Variants in MRC2 observed in about 807,000 individuals in gnomAD.
The protein encoded by MRC2 is mannose receptor C-type 2.
MRC2 carries 84 observed loss-of-function variants against 206.2 expected under a neutral mutation model. That is an observed-to-expected ratio of 0.41 (90% CI 0.34 to 0.49). MRC2 has a LOEUF of 0.49. Ranked by LOEUF, MRC2 falls within the 20% of genes least tolerant of loss-of-function variation. MRC2 has a pLI of 0.31. For synonymous variants in MRC2, 798 were observed against 800.0 expected (o/e 1.00, Z 0.04); for missense variants, 1,676 against 2,001.5 (o/e 0.84, Z 3.10).
chr17:62,633,917 A>G (rs530915795), intron 1 of MRC2, among the ~76,000 whole-genome samples: 15 of 150,678 alleles, frequency 1.0e-4, no homozygotes, highest in African/African-American at 3.2e-4. Flanking sequence ...AGGAGGTCCA[A>G]TCCAGACCCC....
rs140481990 is a variant in MRC2, at chr17:62,630,068, G to A, written c.118+2148G>A. 2.5e-3 allele frequency among the ~76,000 whole-genome samples: 384 copies of A among 152,328 alleles called. 1 individual carries two copies. Among genetic ancestry groups the A allele is most frequent in the African/African-American group, 8.7e-3 (363 of 41,574 alleles). ...CCTCTTTGTTAGTTGCCATATTACC[G>A]CATTTCTGGAGCATGCAGTTTGCTC... On this transcript the variant is annotated intron_variant, in intron 1 of 29. Transcript: ENST00000303375.
rs371087758 is a variant in MRC2, at chr17:62,664,783, T to C, written c.354T>C (p.Asn118=). ...GMYECDREAL[N]LRWHCRTLGD... ...ATGAGTGTGACCGGGAAGCACTGAATCTTCGCTGGCATTGTCGTACACTGG... is the reference window on the plus strand; with the variant it reads ...ATGAGTGTGACCGGGAAGCACTGAACCTTCGCTGGCATTGTCGTACACTGG... Residue 118 remains asparagine, a synonymous_variant, in exon 2 of 30, where the codon AAT becomes AAC. Coordinates refer to ENST00000303375, the MANE Select transcript of MRC2 (RefSeq NM_006039.5). This position sits in a 1 kb window ranked among gnomAD's most constrained non-coding sequence, Gnocchi z 4.7. 5 of 1,613,944 alleles carry C rather than the reference T, an allele frequency of 3.1e-6. No homozygotes were observed. Among genetic ancestry groups the C allele is most frequent in the Non-Finnish European group, 4.2e-6 (5 of 1,180,028 alleles).
chr17:62,686,607 T>C (rs1292723882), intron 20 of MRC2, among the ~76,000 whole-genome samples: 2 of 152,184 alleles, frequency 1.3e-5, no homozygotes, highest in Non-Finnish European at 2.9e-5. Context: ...CCTCTTCCAC[T>C]AGCTTTAAGC....
At chr17:62,638,755 A>G (rs2088360149) in intron 1 of MRC2, among the ~76,000 whole-genome samples, 2 of 149,398 alleles carry the variant, frequency 1.3e-5, no homozygotes, top group Non-Finnish European at 3.0e-5. Flanking sequence ...AAAAAAAAAA[A>G]AAGAAAGAAA....
Position 62,662,853 on chromosome 17 carries a change from G to C in MRC2, c.119-1695G>C, listed in dbSNP as rs889861640. On this transcript the variant is annotated intron_variant, in intron 1 of 29. Coordinates refer to ENST00000303375, the MANE Select transcript of MRC2 (RefSeq NM_006039.5). ...GAACCCAGGAGGCAGAGGTTGCAGTGAGCCGAGATCGAGCCATTGCACTCC... is the reference window on the plus strand; with the variant it reads ...GAACCCAGGAGGCAGAGGTTGCAGTCAGCCGAGATCGAGCCATTGCACTCC... Among the ~76,000 whole-genome samples, 3 of 152,094 alleles carry C rather than the reference G, an allele frequency of 2.0e-5. No homozygotes were observed. The South Asian group carries it at 6.2e-4, about 32-fold the overall frequency.
chr17:62,660,223 C>T (rs572004238), intron 1 of MRC2, among the ~76,000 whole-genome samples: 1 of 152,312 alleles, frequency 6.6e-6, no homozygotes, highest in Non-Finnish European at 1.5e-5. Context: ...CAGCTTTTCC[C>T]TGAACACACT....
rs973731978 is a variant in MRC2 at position 62,681,406 on chromosome 17, C to G, written c.2702+277C>G. The G allele has an allele frequency of 1.5e-5, 8 of 541,142 alleles. No individual in the cohort carries two copies. In the African/African-American group the frequency reaches 1.5e-4, roughly 10 times the overall value. The allele number at this position is 541,142 out of a possible 1,614,324, so 33.5% of individuals were successfully genotyped here. Reference sequence around the variant, plus strand: ...TACTAAATAATGGCAGCTCCTGTTACGTCTGGTGTCATTCATCATGACTAA... The same window carrying G: ...TACTAAATAATGGCAGCTCCTGTTAGGTCTGGTGTCATTCATCATGACTAA... On this transcript the variant is annotated intron_variant, in intron 18 of 29. Coordinates refer to ENST00000303375, the MANE Select transcript of MRC2 (RefSeq NM_006039.5).
chr17:62,638,556 G>A (rs1322688516), intron 1 of MRC2, among the ~76,000 whole-genome samples: 1 of 151,938 alleles, frequency 6.6e-6, no homozygotes, highest in Non-Finnish European at 1.5e-5. Flanking sequence ...TGGACAACAT[G>A]GTGAAACCCT....
At position 62,678,525 on chromosome 17, in the gene MRC2, C is replaced by A; in HGVS notation, c.2074C>A (p.Gln692Lys). ...CYKVFSSERL[Q>K]DKKSWVQAQG... ...GCAGGTGTTCAGCTCAGAGCGGCTG[C>A]AGGACAAGAAGAGCTGGGTCCAGGC... is the stretch of plus-strand genomic sequence containing the variant. Residue 692 changes from glutamine (Q) to lysine (K), a missense_variant, in exon 13 of 30, where the codon CAG becomes AAG. Coordinates refer to ENST00000303375, the MANE Select transcript of MRC2 (RefSeq NM_006039.5). The A allele has an allele frequency of 6.2e-7, 1 of 1,612,216 alleles. No individual in the cohort carries two copies. The highest frequency in any genetic ancestry group is 1.1e-5 in the South Asian group (1 of 90,960).
chr17:62,649,002 T>G (rs2088523603), intron 1 of MRC2, among the ~76,000 whole-genome samples: 1 of 152,202 alleles, frequency 6.6e-6, no homozygotes, highest in South Asian at 2.1e-4. Context: ...TTCTCTCCCT[T>G]TGTCCTCCCA....
In MRC2 at chr17:62,678,520, G is replaced by A. The variant is rs779555505; in HGVS notation, c.2069G>A (p.Arg690Gln). ...RYCYKVFSSE[R>Q]LQDKKSWVQA... ...CCCCTGCAGGTGTTCAGCTCAGAGCGGCTGCAGGACAAGAAGAGCTGGGTC... is the reference window on the plus strand; with the variant it reads ...CCCCTGCAGGTGTTCAGCTCAGAGCAGCTGCAGGACAAGAAGAGCTGGGTC... Residue 690 changes from arginine to glutamine, a missense_variant, in exon 13 of 30, where the codon CGG becomes CAG. By Grantham distance (43) the Arg-to-Gln change is conservative. Coordinates refer to ENST00000303375, the MANE Select transcript of MRC2 (RefSeq NM_006039.5). 1.7e-5 allele frequency: 28 copies of A among 1,612,232 alleles called. No individual in the cohort carries two copies. Among genetic ancestry groups the A allele is most frequent in the Middle Eastern group, 1.7e-4 (1 of 6,036 alleles).
At chr17:62,635,925 C>T (rs2088310236) in intron 1 of MRC2, among the ~76,000 whole-genome samples, 2 of 151,632 alleles carry the variant, frequency 1.3e-5, no homozygotes, top group East Asian at 1.9e-4. Flanking sequence ...GTAGCTGGGA[C>T]TACAGGCGCC....
rs758438149 is a variant in MRC2 at position 62,666,090 on chromosome 17, G to A, written c.521-4G>A. The A allele has an allele frequency of 1.3e-6, 2 of 1,582,514 alleles. No individual in the cohort carries two copies. On this transcript the variant is annotated splice_region_variant and splice_polypyrimidine_tract_variant and intron_variant, in intron 2 of 29. Transcript: ENST00000303375. The surrounding 1 kb of genome is among the most constrained non-coding windows in gnomAD (Gnocchi z 5.0). ...AGGGCCTGGCCCCTGTCCACCCCCT[G>A]CAGAGGTCTACACCATCCAGGGAAA...
At position 62,664,804 on chromosome 17, in the gene MRC2, A is replaced by G; in HGVS notation, c.375A>G (p.Thr125=). 1 of 1,613,920 alleles carries G rather than the reference A, an allele frequency of 6.2e-7. No homozygotes were observed. The highest frequency in any genetic ancestry group is 8.5e-7 in the Non-Finnish European group (1 of 1,180,028). The change falls in exon 2 of 30, where the codon ACA becomes ACG. Residue 125 remains threonine, a synonymous_variant. Transcript: ENST00000303375. This position sits in a 1 kb window ranked among gnomAD's most constrained non-coding sequence, Gnocchi z 4.7. ...TGAATCTTCGCTGGCATTGTCGTACACTGGGTGACCAGCTGTCCTTGCTCC... is the reference window on the plus strand; with the variant it reads ...TGAATCTTCGCTGGCATTGTCGTACGCTGGGTGACCAGCTGTCCTTGCTCC... ...EALNLRWHCR[T]LGDQLSLLLG... is the part of the protein sequence containing the mutation.
intron 6 of MRC2, among the ~76,000 whole-genome samples, chr17:62,669,326 T>C (rs1411740464): frequency 6.6e-6 from 1 of 152,008 alleles, no homozygotes; most frequent in Non-Finnish European, 1.5e-5. Flanking sequence ...GAGATTCTCG[T>C]GCCTCAGCCT....
chr17:62,684,867 G>T (rs139757241), intron 20 of MRC2, among the ~76,000 whole-genome samples: 4 of 152,172 alleles, frequency 2.6e-5, no homozygotes, highest in Non-Finnish European at 4.4e-5. Context: ...ACGGCCAGGC[G>T]CTGTGGCTCA....
At position 62,652,178 on chromosome 17, in the gene MRC2, A is replaced by G. The variant is rs539086168; in HGVS notation, c.119-12370A>G. On this transcript the variant is annotated intron_variant, in intron 1 of 29. Coordinates refer to ENST00000303375, the MANE Select transcript of MRC2 (RefSeq NM_006039.5). The surrounding 1 kb of genome is among the most constrained non-coding windows in gnomAD (Gnocchi z 4.6). ...CATTTTAAAAAAATGCTTTCCCCCA[A>G]ATTCGTATGGATGTCTCCTAATAAA... 2.0e-5 allele frequency among the ~76,000 whole-genome samples: 3 copies of G among 152,288 alleles called. No homozygotes were observed. In the South Asian group the frequency reaches 6.2e-4, roughly 32 times the overall value.
At chr17:62,628,845 G>C (rs2084192758) in intron 1 of MRC2, among the ~76,000 whole-genome samples, 1 of 152,090 alleles carries the variant, frequency 6.6e-6, no homozygotes, top group Non-Finnish European at 1.5e-5. Flanking sequence ...GGAGTGACCG[G>C]GGGAATCGCC....
chr17:62,667,468 G>A lies in MRC2; in HGVS notation c.1052G>A (p.Cys351Tyr). Residue 351 changes from cysteine to tyrosine, a missense_variant, in exon 6 of 30, where the codon TGC becomes TAC. Coordinates refer to ENST00000303375, the MANE Select transcript of MRC2 (RefSeq NM_006039.5). This position sits in a 1 kb window ranked among gnomAD's most constrained non-coding sequence, Gnocchi z 4.1. ...ESSGGWQNRD[C>Y]SIALPYVCKK... ...TCGGGCGGCTGGCAGAACCGTGACT[G>A]CAGCATCGCGCTGCCCTATGTGTGC... 6.2e-7 allele frequency: 1 copy of A among 1,612,690 alleles called. No homozygotes were observed. The highest frequency in any genetic ancestry group is 8.5e-7 in the Non-Finnish European group (1 of 1,179,760).
Sources: gnomAD v4.1 joint callset for allele counts (sites outside exome capture counted in the v4.1 genomes callset) on GRCh38, gnomAD v4.1.1 for gene constraint, Gnocchi (gnomAD v3.1) non-coding constraint, MANE v1.5 for transcripts, NCBI Gene and HGNC (gene_info 2026-07-23, HGNC 2026-07-21) for gene names.